CACNA2D4: variants seen among roughly 807,000 people sequenced by gnomAD.
CACNA2D4 encodes the protein calcium voltage-gated channel auxiliary subunit alpha2delta 4.
A neutral mutation model predicts 163.8 loss-of-function variants in CACNA2D4; 157 were observed. The ratio of observed to expected loss-of-function variants is 0.96; its 90% confidence interval spans 0.84 to 1.09. The LOEUF (loss-of-function observed/expected upper bound fraction) is 1.09. CACNA2D4 is among the 50% of genes least tolerant of loss of function. The pLI, the probability that CACNA2D4 is intolerant of heterozygous loss-of-function variation, is 0.00. For missense variants in CACNA2D4, 1,410 were observed against 1,479.9 expected, an observed-to-expected ratio of 0.95 and a Z score of 0.78; for synonymous variants, 598 against 586.9, an observed-to-expected ratio of 1.02 and a Z score of -0.27.
At chr12:1,906,889 G>A (rs895367081) in intron 6 of CACNA2D4, among the ~76,000 whole-genome samples, 3 of 152,236 alleles carry the variant, frequency 2.0e-5, no homozygotes, top group African/African-American at 7.2e-5. Context: ...CCTGGACTGT[G>A]TGCTAAACTA....
chr12:1,810,240 C>T (rs770504769), intron 29 of CACNA2D4, 38 bp downstream of exon 29: 43 of 1,554,738 alleles, frequency 2.8e-5, no homozygotes, highest in Non-Finnish European at 2.4e-5. Context: ...GTCCTCCTGC[C>T]GCCCTCTCCC....
At position 1,907,564 on chromosome 12, in the gene CACNA2D4, A is replaced by G. The variant is rs1411329685; in HGVS notation, c.657T>C (p.Asp219=). The part of the protein sequence containing the change: ...LPTNVYNKDP[D]ILNGVYMSEA... ...CAGACATGTAGACTCCATTTAAAATATCTGGGTCTGAAGGGTGAGACTATA... is the reference window on the plus strand; with the variant it reads ...CAGACATGTAGACTCCATTTAAAATGTCTGGGTCTGAAGGGTGAGACTATA... The change falls in exon 6 of 38, where the codon GAT becomes GAC. Residue 219 remains aspartate (D), a synonymous_variant. Coordinates refer to ENST00000382722, the MANE Select transcript of CACNA2D4 (RefSeq NM_172364.5). 6.2e-7 allele frequency: 1 copy of G among 1,612,840 alleles called. No homozygotes were observed. Among genetic ancestry groups the G allele is most frequent in the Non-Finnish European group, 8.5e-7 (1 of 1,179,156 alleles).
chr12:1,847,850 T>A (rs1194492523), intron 23 of CACNA2D4, among the ~76,000 whole-genome samples: 1 of 113,778 alleles, frequency 8.8e-6, no homozygotes, highest in Non-Finnish European at 1.8e-5. Flanking sequence ...ATTTATACAA[T>A]CAAAATAGAA....
intron 29 of CACNA2D4, chr12:1,809,698 G>A (rs184746980): frequency 1.6e-6 from 1 of 620,250 alleles, no homozygotes; most frequent in Non-Finnish European, 2.9e-6. Context: ...GGGGGCGGGG[G>A]GAGGATTAGG....
chr12:1,834,771 A>T lies in CACNA2D4; in HGVS notation c.2551+5968T>A, dbSNP rs1864784257. 5 of 1,528,468 alleles carry T rather than the reference A, an allele frequency of 3.3e-6. No homozygotes were observed. In the East Asian group the frequency reaches 1.1e-4, roughly 35 times the overall value. The allele number at this position is 1,528,468 out of a possible 1,614,324, so 94.7% of individuals were successfully genotyped here. A position where few individuals can be genotyped will look rare whatever the true frequency, so the allele number is the denominator to read the frequency against. On this transcript the variant is annotated intron_variant, in intron 26 of 37. Coordinates refer to ENST00000382722, the MANE Select transcript of CACNA2D4 (RefSeq NM_172364.5). This position sits in a 1 kb window ranked among gnomAD's most constrained non-coding sequence, Gnocchi z 7.6. ...AGGAAGGGCGGGGAGAGCACACGGC[A>T]TTGCTCAGCCACAGCTCCCACCTTG...
rs1865096289 is a variant in CACNA2D4, at chr12:1,844,396, T to C, written c.2470+6A>G. 6.2e-7 allele frequency: 1 copy of C among 1,613,246 alleles called. No individual in the cohort carries two copies. The highest frequency in any genetic ancestry group is 8.5e-7 in the Non-Finnish European group (1 of 1,179,680). On this transcript the variant is annotated splice_donor_region_variant and intron_variant, in intron 25 of 37. Coordinates refer to ENST00000382722, the MANE Select transcript of CACNA2D4 (RefSeq NM_172364.5). The surrounding 1 kb of genome is among the most constrained non-coding windows in gnomAD (Gnocchi z 4.2). Reference sequence around the variant, plus strand: ...CCAGCCCCGGGAGCACCGGGCTGTGTGTTACCTGGTCCTTCTGCCCAGCGG... The same window carrying C: ...CCAGCCCCGGGAGCACCGGGCTGTGCGTTACCTGGTCCTTCTGCCCAGCGG...
At position 1,795,513 on chromosome 12, in the gene CACNA2D4, C is replaced by T. The variant is rs191893060; in HGVS notation, c.3227-132G>A. On this transcript the variant is annotated intron_variant, in intron 36 of 37. Coordinates refer to ENST00000382722, the MANE Select transcript of CACNA2D4 (RefSeq NM_172364.5). Reference sequence around the variant, plus strand: ...CAGCTTTAGGGTCAGGAGGCAGCACCGGGGCCCAGGGAAGGGTTAGAGAAC... The same window carrying T: ...CAGCTTTAGGGTCAGGAGGCAGCACTGGGGCCCAGGGAAGGGTTAGAGAAC... 94 of 987,172 alleles carry T rather than the reference C, an allele frequency of 9.5e-5. No individual in the cohort carries two copies. In the African/African-American group the frequency reaches 1.2e-3, roughly 12 times the overall value. 61.2% of individuals were successfully genotyped at this position (987,172 alleles called of 1,614,324 possible).
Position 1,829,165 on chromosome 12 carries a change from G to A in CACNA2D4, c.2551+11574C>T, listed in dbSNP as rs139851754. ...TTTATGCCACCTTGATCTCCAGGGA[G>A]GTGGGGGGCGCAGGGAGTCGCTCTT... On this transcript the variant is annotated intron_variant, in intron 26 of 37. Transcript: ENST00000382722. The surrounding 1 kb of genome is among the most constrained non-coding windows in gnomAD (Gnocchi z 4.2). Among the ~76,000 whole-genome samples the A allele has an allele frequency of 1.2e-4, 18 of 152,098 alleles. No homozygotes were observed. The East Asian group carries it at 3.5e-3, about 29-fold the overall frequency.
Position 1,840,778 on chromosome 12 carries a change from C to A in CACNA2D4, c.2512G>T (p.Val838Leu), listed in dbSNP as rs749378970. The A allele has an allele frequency of 1.2e-6, 2 of 1,613,848 alleles. No homozygotes were observed. The highest frequency in any genetic ancestry group is 1.3e-5 in the African/African-American group (1 of 74,952). ...EPMVVTASTAVAVTVDKRTAI... is the reference protein window; with the variant it reads ...EPMVVTASTALAVTVDKRTAI... Reference sequence around the variant, plus strand: ...GTCCTCTTGTCCACGGTCACCGCCACAGCTGTGCTTGCCGTCACCACCATG... The same window carrying A: ...GTCCTCTTGTCCACGGTCACCGCCAAAGCTGTGCTTGCCGTCACCACCATG... The change falls in exon 26 of 38, where the codon GTG (valine) becomes TTG (leucine). Residue 838 changes from valine (V) to leucine (L), a missense_variant. Physicochemically the swap from Val to Leu is conservative, Grantham distance 32. Transcript: ENST00000382722.
In CACNA2D4 at chr12:1,882,927, G is replaced by A; in HGVS notation, c.1425C>T (p.Arg475=). 6.2e-7 allele frequency: 1 copy of A among 1,613,780 alleles called. No individual in the cohort carries two copies. The highest frequency in any genetic ancestry group is 8.5e-7 in the Non-Finnish European group (1 of 1,179,796). The part of the protein sequence containing the change: ...NVMEYLHVLS[R]PMVINHDHDI... The stretch of plus-strand genomic sequence containing the variant: ...CGTGGTCGTGGTTGATGACCATGGG[G>A]CGGCTGAGCACGTGCAGGTATTCCA... The change falls in exon 13 of 38, where the codon CGC becomes CGT. Residue 475 remains arginine, a synonymous_variant. Coordinates refer to ENST00000382722, the MANE Select transcript of CACNA2D4 (RefSeq NM_172364.5).
At chr12:1,866,425 T>C (rs965356943) in intron 18 of CACNA2D4, among the ~76,000 whole-genome samples, 1 of 152,218 alleles carries the variant, frequency 6.6e-6, no homozygotes, top group African/African-American at 2.4e-5. Context: ...AGTTGTCTTT[T>C]TGAGAAATTA....
intron 13 of CACNA2D4, among the ~76,000 whole-genome samples, chr12:1,882,168 A>G (rs1430335612): frequency 6.6e-6 from 1 of 152,202 alleles, no homozygotes; most frequent in African/African-American, 2.4e-5. Flanking sequence ...AGCAAAGGGG[A>G]CAGCAGGGAG....
chr12:1,877,109 T>C (rs772803563), intron 16 of CACNA2D4, among the ~76,000 whole-genome samples: 8 of 152,242 alleles, frequency 5.3e-5, no homozygotes, highest in Non-Finnish European at 8.8e-5. Flanking sequence ...ATTGTTTCAT[T>C]TGTGTAAGTC....
chr12:1,865,039 G>A (rs1437779027), intron 18 of CACNA2D4, among the ~76,000 whole-genome samples: 1 of 152,186 alleles, frequency 6.6e-6, no homozygotes, highest in African/African-American at 2.4e-5. Context: ...GGTCACCGTC[G>A]CGTGGTCCCT....
In CACNA2D4 at chr12:1,834,681, G is replaced by T. The variant is rs1247479884; in HGVS notation, c.2551+6058C>A. 1 of 1,602,010 alleles carries T rather than the reference G, an allele frequency of 6.2e-7. No individual in the cohort carries two copies. Among genetic ancestry groups the T allele is most frequent in the African/African-American group, 1.3e-5 (1 of 75,026 alleles). ...CAGCCCCTGATGGGGGACCCCGAGG[G>T]CGAGCACGAGGACCAGAAGCAGATC... On this transcript the variant is annotated intron_variant, in intron 26 of 37. Coordinates refer to ENST00000382722, the MANE Select transcript of CACNA2D4 (RefSeq NM_172364.5). This position sits in a 1 kb window ranked among gnomAD's most constrained non-coding sequence, Gnocchi z 7.6.
At chr12:1,903,201 C>T (rs1402775338) in intron 6 of CACNA2D4, among the ~76,000 whole-genome samples, 1 of 151,926 alleles carries the variant, frequency 6.6e-6, no homozygotes, top group Non-Finnish European at 1.5e-5. Context: ...GCTCACCATA[C>T]ACCAAAATCA....
Position 1,876,011 on chromosome 12 carries a change from C to T in CACNA2D4, c.1720-674G>A, listed in dbSNP as rs375064523. On this transcript the variant is annotated intron_variant, in intron 16 of 37. Transcript: ENST00000382722. ...AGCCGCACTGACCTGGCAGTTCAGG[C>T]GGAGATTTCAGACAGTTCAGTCCCC... is the stretch of plus-strand genomic sequence containing the variant. Among the ~76,000 whole-genome samples the T allele has an allele frequency of 1.2e-4, 19 of 152,294 alleles. 1 individual carries two copies. The highest frequency in any genetic ancestry group is 3.9e-4 in the Admixed American group (6 of 15,304).
rs1360127484 is a variant in CACNA2D4, at chr12:1,882,848, G to A, written c.1485+19C>T. ...CTCTGAGGTGGGCTTCTCGAGCTGG[G>A]AGCTGCTGCCAGGCTCACCTTGCTG... is the stretch of plus-strand genomic sequence containing the variant. On this transcript the variant is annotated intron_variant, in intron 13 of 37. Transcript: ENST00000382722. The A allele has an allele frequency of 2.5e-6, 4 of 1,613,152 alleles. No individual in the cohort carries two copies. In the Admixed American group the frequency reaches 6.7e-5, roughly 27 times the overall value.
rs1353656510 is a variant in CACNA2D4, at chr12:1,834,873, C to G, written c.2551+5866G>C. The G allele has an allele frequency of 2.9e-6, 4 of 1,398,414 alleles. No individual in the cohort carries two copies. Among genetic ancestry groups the G allele is most frequent in the Non-Finnish European group, 3.7e-6 (4 of 1,068,260 alleles). The allele number at this position is 1,398,414 out of a possible 1,614,324, so 86.6% of individuals were successfully genotyped here. A position where few individuals can be genotyped will look rare whatever the true frequency, so the allele number is the denominator to read the frequency against. ...GCAGACAAGCCACACCGGGTTCTCT[C>G]CCTGCACTTTCGAGGCTCCCTGAAA... On this transcript the variant is annotated intron_variant, in intron 26 of 37. Transcript: ENST00000382722. This position sits in a 1 kb window ranked among gnomAD's most constrained non-coding sequence, Gnocchi z 7.6.
Sources: gnomAD v4.1 joint callset for allele counts (sites outside exome capture counted in the v4.1 genomes callset) on GRCh38, gnomAD v4.1.1 for gene constraint, Gnocchi (gnomAD v3.1) non-coding constraint, MANE v1.5 for transcripts, NCBI Gene and HGNC (gene_info 2026-07-23, HGNC 2026-07-21) for gene names.